Variants in ELMO1 observed in about 807,000 individuals in gnomAD.
The protein encoded by ELMO1 is engulfment and cell motility 1.
Under a neutral mutation model 98.9 loss-of-function variants are expected in ELMO1, and 26 were observed. The observed-to-expected ratio is 0.26, with a 90% CI of 0.19 to 0.36. The LOEUF is 0.36. Among genes scored for constraint, ELMO1 ranks in the 10% least tolerant of loss-of-function variants. ELMO1 has a pLI of 1.00. For synonymous variants in ELMO1, 346 were observed against 346.0 expected, an observed-to-expected ratio of 1.00 and a Z score of 0.00; for missense variants, 627 against 935.2, an observed-to-expected ratio of 0.67 and a Z score of 4.30.
intron 5 of ELMO1, among the ~76,000 whole-genome samples, chr7:37,260,305 A>G (rs555330991): frequency 6.6e-6 from 1 of 152,294 alleles, no homozygotes; most frequent in African/African-American, 2.4e-5. Flanking sequence ...TATATTTTAG[A>G]GAGGGAGAAG....
intron 16 of ELMO1, among the ~76,000 whole-genome samples, chr7:36,969,960 T>C (rs1429440547): frequency 6.6e-6 from 1 of 152,206 alleles, no homozygotes; most frequent in Non-Finnish European, 1.5e-5. Context: ...TTCAAGAATT[T>C]ACTTTGATGG....
At chr7:36,861,959 A>G in intron 20 of ELMO1, 2 of 569,062 alleles carry the variant, frequency 3.5e-6, no homozygotes, top group Non-Finnish European at 6.3e-6. Context: ...ATTCGCATGC[A>G]GCCCATGTAG....
intron 4 of ELMO1, among the ~76,000 whole-genome samples, chr7:37,293,766 CAA>C (rs56775177): frequency 0.53 from 53,252 of 101,020 alleles, 13,698 homozygotes; most frequent in East Asian, 0.64. Flanking sequence ...ACTCTATATC[CAA>C]AAAAAAAAAA....
chr7:37,020,111 G>C (rs1794181030), intron 15 of ELMO1, among the ~76,000 whole-genome samples: 1 of 152,140 alleles, frequency 6.6e-6, no homozygotes, highest in African/African-American at 2.4e-5. Flanking sequence ...AATGGGTCTA[G>C]AGCTGACCAT....
Position 37,216,517 on chromosome 7 carries a change from G to C in ELMO1, c.831+128C>G, listed in dbSNP as rs960396410. 4 of 1,065,076 alleles carry C rather than the reference G, an allele frequency of 3.8e-6. No homozygotes were observed. In the African/African-American group the frequency reaches 6.4e-5, roughly 17 times the overall value. The allele number at this position is 1,065,076 out of a possible 1,614,324, so 66.0% of individuals were successfully genotyped here. On this transcript the variant is annotated intron_variant, in intron 11 of 21. Coordinates refer to ENST00000310758, the MANE Select transcript of ELMO1 (RefSeq NM_014800.11). ...CAAAAACTCACTTTTTCCTTCATTAGAGTTCCTACTGCTTCACCACAGAAG... is the reference window on the plus strand; with the variant it reads ...CAAAAACTCACTTTTTCCTTCATTACAGTTCCTACTGCTTCACCACAGAAG...
At chr7:37,129,757 G>A (rs148968419) in intron 14 of ELMO1, among the ~76,000 whole-genome samples, 4 of 152,152 alleles carry the variant, frequency 2.6e-5, no homozygotes, top group East Asian at 1.9e-4. Flanking sequence ...GTTTTCTAGC[G>A]GGACAGTGAT....
intron 13 of ELMO1, among the ~76,000 whole-genome samples, chr7:37,176,406 TG>T (rs1465036719): frequency 1.3e-5 from 2 of 152,178 alleles, no homozygotes; most frequent in Non-Finnish European, 2.9e-5. Flanking sequence ...CTAACGACCA[TG>T]AAAGTCTCCA....
At chr7:36,938,859 AT>A (rs1313010025) in intron 16 of ELMO1, among the ~76,000 whole-genome samples, 1 of 152,160 alleles carries the variant, frequency 6.6e-6, no homozygotes, top group Non-Finnish European at 1.5e-5. Flanking sequence ...AAAAAATTCA[AT>A]TGATTTAAAC....
intron 16 of ELMO1, among the ~76,000 whole-genome samples, chr7:36,978,243 G>T (rs574255235): frequency 6.6e-6 from 1 of 151,832 alleles, no homozygotes; most frequent in African/African-American, 2.4e-5. Context: ...GGAGCCCAGA[G>T]GTAGAGCCCC....
intron 14 of ELMO1, among the ~76,000 whole-genome samples, chr7:37,099,645 G>A (rs1784535995): frequency 6.6e-6 from 1 of 152,122 alleles, no homozygotes; most frequent in African/African-American, 2.4e-5. Flanking sequence ...TCCGTGCAAT[G>A]TGAAGTTATA....
intron 13 of ELMO1, among the ~76,000 whole-genome samples, chr7:37,142,599 C>T (rs188914488): frequency 3.3e-4 from 50 of 152,240 alleles, no homozygotes; most frequent in South Asian, 2.1e-4. Context: ...AAGTTGAATG[C>T]GTTTATTTTG....
Position 36,870,274 on chromosome 7 carries a change from A to G in ELMO1, c.1905+119T>C, listed in dbSNP as rs1803395834. ...ACAGGAAACAGGAGAGCTGAATAAG[A>G]GATGTGTGTCTGAACACACGCACAC... is the stretch of plus-strand genomic sequence containing the variant. On this transcript the variant is annotated intron_variant, in intron 20 of 21. Transcript: ENST00000310758. The surrounding 1 kb of genome is among the most constrained non-coding windows in gnomAD (Gnocchi z 4.4). The G allele has an allele frequency of 1.2e-5, 9 of 761,184 alleles. No homozygotes were observed. In the South Asian group the frequency reaches 1.5e-4, roughly 13 times the overall value. 47.2% of individuals were successfully genotyped at this position (761,184 alleles called of 1,614,324 possible).
intron 7 of ELMO1, among the ~76,000 whole-genome samples, chr7:37,240,197 C>T (rs1021379012): frequency 6.6e-6 from 1 of 151,892 alleles, no homozygotes; most frequent in African/African-American, 2.4e-5. Flanking sequence ...GGCGTCACAC[C>T]CAGCTAATTT....
chr7:37,322,694 T>C (rs542894603), intron 2 of ELMO1, among the ~76,000 whole-genome samples: 1 of 151,178 alleles, frequency 6.6e-6, no homozygotes, highest in East Asian at 1.9e-4. Context: ...TAACAGCTAC[T>C]TGGGAGGCTG....
intron 5 of ELMO1, among the ~76,000 whole-genome samples, chr7:37,267,221 G>A (rs1796312180): frequency 6.6e-6 from 1 of 151,920 alleles, no homozygotes; most frequent in Non-Finnish European, 1.5e-5. Context: ...ATACATAACA[G>A]GCATCCCTCT....
intron 1 of ELMO1, among the ~76,000 whole-genome samples, chr7:37,408,288 G>C (rs1372958553): frequency 6.6e-6 from 1 of 152,206 alleles, no homozygotes; most frequent in Non-Finnish European, 1.5e-5. Context: ...CCCCCAGGAA[G>C]AATCTGGGCA....
intron 16 of ELMO1, among the ~76,000 whole-genome samples, chr7:36,906,480 G>A (rs73689695): frequency 0.056 from 8,511 of 152,210 alleles, 339 homozygotes; most frequent in East Asian, 0.21. Flanking sequence ...AGTTGTTGAT[G>A]CCTGGTATTA....
intron 13 of ELMO1, among the ~76,000 whole-genome samples, chr7:37,143,706 G>A (rs1000184383): frequency 2.5e-5 from 3 of 117,922 alleles, no homozygotes; most frequent in African/African-American, 3.2e-5. Flanking sequence ...CACTGCAGCC[G>A]GTCGATTTTT....
At chr7:37,019,819 T>C (rs979704605) in intron 15 of ELMO1, among the ~76,000 whole-genome samples, 2 of 152,222 alleles carry the variant, frequency 1.3e-5, no homozygotes, top group African/African-American at 4.8e-5. Flanking sequence ...AATGGTTTTT[T>C]AAGTCTGGAA....
Sources: gnomAD v4.1 joint callset for allele counts (sites outside exome capture counted in the v4.1 genomes callset) on GRCh38, gnomAD v4.1.1 for gene constraint, Gnocchi (gnomAD v3.1) non-coding constraint, MANE v1.5 for transcripts, NCBI Gene and HGNC (gene_info 2026-07-23, HGNC 2026-07-21) for gene names.